INTS9: variants seen among roughly 807,000 people sequenced by gnomAD.
INTS9 encodes the protein protein related to CPSF subunits of 74 kDa.
In INTS9, 55 loss-of-function variants were observed where a neutral mutation model predicts 79.7. The observed-to-expected ratio is 0.69, with a 90% CI of 0.56 to 0.86. The LOEUF is 0.86. INTS9 is among the 40% of genes least tolerant of loss of function. INTS9 has a pLI of 0.00. For synonymous variants in INTS9, 319 were observed against 325.2 expected (o/e 0.98, Z 0.20); for missense variants, 721 against 831.5 (o/e 0.87, Z 1.64).
At chr8:28,861,527 G>A (rs191699220) in intron 1 of INTS9, among the ~76,000 whole-genome samples, 7 of 152,234 alleles carry the variant, frequency 4.6e-5, no homozygotes, top group South Asian at 2.1e-4. Flanking sequence ...ATTATTGTCC[G>A]ATTTTCTTCT....
chr8:28,824,365 G>T (rs1032791510), intron 6 of INTS9, among the ~76,000 whole-genome samples: 12 of 152,132 alleles, frequency 7.9e-5, no homozygotes, highest in African/African-American at 2.9e-4. Flanking sequence ...ACTTCCTAAG[G>T]CCCTTCTTTA....
At chr8:28,878,703 C>T (rs542943079) in intron 1 of INTS9, among the ~76,000 whole-genome samples, 12 of 150,358 alleles carry the variant, frequency 8.0e-5, no homozygotes, top group East Asian at 4.0e-4. Flanking sequence ...TTGGGCCAGG[C>T]GCGGTGGCTC....
At chr8:28,837,820 G>T in intron 4 of INTS9, 44 bp from the exon 5 acceptor site, 1 of 1,553,182 alleles carries the variant, frequency 6.4e-7, no homozygotes, top group South Asian at 1.2e-5. Flanking sequence ...TTCAGGGATC[G>T]ATCAATATGA....
chr8:28,787,279 C>T (rs912081936), intron 11 of INTS9, among the ~76,000 whole-genome samples: 1 of 152,240 alleles, frequency 6.6e-6, no homozygotes, highest in Middle Eastern at 3.4e-3. Context: ...ATGTTATTTT[C>T]GTCACTAAAA....
chr8:28,804,395 G>A (rs1330049325), intron 8 of INTS9, among the ~76,000 whole-genome samples: 2 of 152,206 alleles, frequency 1.3e-5, no homozygotes, highest in African/African-American at 4.8e-5. Context: ...GAGAGGCTGG[G>A]TAAAAACCCT....
At chr8:28,865,143 T>C (rs1808669409) in intron 1 of INTS9, among the ~76,000 whole-genome samples, 1 of 151,872 alleles carries the variant, frequency 6.6e-6, no homozygotes, top group Non-Finnish European at 1.5e-5. Flanking sequence ...AATATAAAGG[T>C]AACTAGCAGA....
intron 6 of INTS9, among the ~76,000 whole-genome samples, chr8:28,823,599 G>A (rs886674735): frequency 6.6e-6 from 1 of 152,084 alleles, no homozygotes; most frequent in African/African-American, 2.4e-5. Context: ...CTGTTAACCT[G>A]TTTTATGTCA....
At position 28,768,139 on chromosome 8, in the gene INTS9, G is replaced by C; in HGVS notation, c.*7C>G. The C allele has an allele frequency of 6.2e-7, 1 of 1,613,828 alleles. No individual in the cohort carries two copies. The highest frequency in any genetic ancestry group is 8.5e-7 in the Non-Finnish European group (1 of 1,179,870). On this transcript the variant is annotated 3_prime_UTR_variant, in exon 17 of 17. Transcript: ENST00000521022. The stretch of plus-strand genomic sequence containing the variant: ...AGGATTTCAGGGAAGTAGCTCAGAT[G>C]GCCCACTCAGAACTTCTGTAAGAAT...
chr8:28,880,061 A>T lies in INTS9; in HGVS notation c.9+9813T>A, dbSNP rs145512888. On this transcript the variant is annotated intron_variant, in intron 1 of 16. Coordinates refer to ENST00000521022, the MANE Select transcript of INTS9 (RefSeq NM_018250.4). ...ACACCTCAAAAAAGCTGTTTAAACA[A>T]TGTAAAAAAAGGTAACTATAATAAT... Among the ~76,000 whole-genome samples, 81 of 152,004 alleles carry T rather than the reference A, an allele frequency of 5.3e-4. No homozygotes were observed. In the South Asian group the frequency reaches 7.2e-3, roughly 14 times the overall value.
intron 1 of INTS9, among the ~76,000 whole-genome samples, chr8:28,878,941 C>G (rs980553516): frequency 6.6e-6 from 1 of 151,136 alleles, no homozygotes; most frequent in Non-Finnish European, 1.5e-5. Context: ...GATTGCCCAC[C>G]GCACTCCGGC....
In INTS9 at chr8:28,773,281, A is replaced by G. The variant is rs528921719; in HGVS notation, c.1564-2201T>C. 8.6e-4 allele frequency among the ~76,000 whole-genome samples: 131 copies of G among 152,004 alleles called. 1 individual carries two copies. In the Middle Eastern group the frequency reaches 0.034, roughly 39 times the overall value. ...GATTGAGACCATCCTGGCTAACACG[A>G]TGAAACCCCGTCTCTACTAAAAATA... is the stretch of plus-strand genomic sequence containing the variant. On this transcript the variant is annotated intron_variant, in intron 14 of 16. Coordinates refer to ENST00000521022, the MANE Select transcript of INTS9 (RefSeq NM_018250.4).
intron 1 of INTS9, among the ~76,000 whole-genome samples, chr8:28,882,213 G>A (rs1324705392): frequency 5.8e-5 from 8 of 137,752 alleles, no homozygotes; most frequent in Non-Finnish European, 1.1e-4. Context: ...AATGGATTAA[G>A]GGCGGTGCAA....
Position 28,769,954 on chromosome 8 carries a change from T to C in INTS9, c.1735A>G (p.Lys579Glu). ...CCGCTCAACAAAGGCTTCAGGACTT[T>C]GCAGTCTGGTACGTCATCGCTCACC... ...KRVSDDVPDC[K>E]VLKPLLSGSI... The change falls in exon 16 of 17, where the codon AAA (lysine) becomes GAA (glutamate). Residue 579 changes from lysine (K) to glutamate (E), a missense_variant. Around this residue, in one of 3 missense-constraint regions of INTS9, gnomAD observed 281 missense variants for 300.8 expected, o/e 0.93. Transcript: ENST00000521022. 6.2e-7 allele frequency: 1 copy of C among 1,614,238 alleles called. No homozygotes were observed.
intron 1 of INTS9, among the ~76,000 whole-genome samples, chr8:28,860,972 C>T (rs954381562): frequency 1.3e-5 from 2 of 152,110 alleles, no homozygotes; most frequent in South Asian, 4.1e-4. Flanking sequence ...TTTTTGAAAA[C>T]TGCATGTTCT....
At chr8:28,771,351 G>A (rs927144851) in intron 14 of INTS9, among the ~76,000 whole-genome samples, 1 of 152,124 alleles carries the variant, frequency 6.6e-6, no homozygotes, top group Non-Finnish European at 1.5e-5. Flanking sequence ...GGTTGAGGGA[G>A]CTCTCTCTTC....
intron 1 of INTS9, among the ~76,000 whole-genome samples, chr8:28,862,760 C>G (rs1346067074): frequency 6.6e-6 from 1 of 152,180 alleles, no homozygotes; most frequent in Admixed American, 6.5e-5. Context: ...AGCTATCACC[C>G]TAGTAGTAGC....
chr8:28,799,955 G>C (rs1014563898), intron 8 of INTS9, among the ~76,000 whole-genome samples: 4 of 151,978 alleles, frequency 2.6e-5, no homozygotes, highest in African/African-American at 7.3e-5. Flanking sequence ...CAACAGCCTG[G>C]GTCACTCACT....
chr8:28,829,084 T>G (rs80248651), intron 6 of INTS9, among the ~76,000 whole-genome samples: 1,733 of 152,366 alleles, frequency 0.011, 37 homozygotes, highest in African/African-American at 0.04. Context: ...AATGCTTCAT[T>G]GCTTAATGCT....
rs1455249386 is a variant in INTS9 at position 28,866,970 on chromosome 8, C to CA, written c.10-7408dup. 2.1e-5 allele frequency among the ~76,000 whole-genome samples: 3 copies of CA among 145,172 alleles called. No homozygotes were observed. The South Asian group carries it at 6.6e-4, about 32-fold the overall frequency. On this transcript the variant is annotated intron_variant, in intron 1 of 16. Coordinates refer to ENST00000521022, the MANE Select transcript of INTS9 (RefSeq NM_018250.4). ...AGCCTGGGTGACAGAGCGAAACTGT[C>CA]AAAAAAGAAAAGAAAAATAAAAAAT...
Sources: allele counts gnomAD v4.1 joint callset (sites outside exome capture counted in the v4.1 genomes callset), GRCh38; gene constraint gnomAD v4.1.1; regional missense constraint gnomAD v4.1.1; transcripts MANE v1.5; gene names NCBI Gene and HGNC (gene_info 2026-07-23, HGNC 2026-07-21).